The following MAPKBP1 variants were observed in gnomAD, a reference collection of about 807,000 sequenced individuals.
MAPKBP1 encodes the protein mitogen-activated protein kinase binding protein 1, also known as mitogen-activated protein kinase-binding protein 1.
In MAPKBP1, 71 loss-of-function variants were observed where a neutral mutation model predicts 170.5. That is an observed-to-expected ratio of 0.42 (90% CI 0.34 to 0.51). MAPKBP1 has a LOEUF of 0.51. MAPKBP1 is among the 20% of genes least tolerant of loss of function. MAPKBP1 has a pLI of 0.06. For synonymous variants in MAPKBP1, 719 were observed against 757.9 expected (o/e 0.95, Z 0.84); for missense variants, 1,598 against 1,933.0 (o/e 0.83, Z 3.25).
chr15:41,819,210 C>A (rs1889892826), intron 20 of MAPKBP1, 36 bp from the exon 21 acceptor site: 1 of 1,607,252 alleles, frequency 6.2e-7, no homozygotes, highest in African/African-American at 1.3e-5. Context: ...CCTATTGAGT[C>A]TCCTCTCCCC....
chr15:41,819,389 A>C lies in MAPKBP1; in HGVS notation c.2425+10A>C. The C allele has an allele frequency of 4.3e-6, 7 of 1,613,662 alleles. No homozygotes were observed. Among genetic ancestry groups the C allele is most frequent in the Non-Finnish European group, 5.9e-6 (7 of 1,179,774 alleles). Reference sequence around the variant, plus strand: ...ACCAAGAAGGCACTGGGTCTGTGGCAGTTGGGTGTGGGGGCAGACAGGCCC... The same window carrying C: ...ACCAAGAAGGCACTGGGTCTGTGGCCGTTGGGTGTGGGGGCAGACAGGCCC... On this transcript the variant is annotated intron_variant, in intron 21 of 30. Coordinates refer to ENST00000457542, the MANE Select transcript of MAPKBP1 (RefSeq NM_014994.3).
At chr15:41,811,291 G>T in intron 5 of MAPKBP1, 56 bp downstream of exon 5, 2 of 1,588,710 alleles carry the variant, frequency 1.3e-6, no homozygotes, top group Non-Finnish European at 1.7e-6. Context: ...CCTGGCCTCC[G>T]CAGAGAGCTG....
chr15:41,800,081 G>A (rs965101948), intron 3 of MAPKBP1, among the ~76,000 whole-genome samples, 167 bp downstream of exon 3: 3 of 152,016 alleles, frequency 2.0e-5, no homozygotes, highest in African/African-American at 4.8e-5. Context: ...GTTCTTTGTC[G>A]GGTGCTGTCA....
At position 41,822,025 on chromosome 15, in the gene MAPKBP1, G is replaced by A; in HGVS notation, c.2946G>A (p.Arg982=). ...GTLGRVYPGS[R]SSEKHSPDSA... Reference sequence around the variant, plus strand: ...TGGGAAGAGTGTACCCAGGCAGCAGGAGCTCAGAAAAGCACAGCCCTGACA... The same window carrying A: ...TGGGAAGAGTGTACCCAGGCAGCAGAAGCTCAGAAAAGCACAGCCCTGACA... The change falls in exon 25 of 31, where the codon AGG becomes AGA. Residue 982 remains arginine (R), a synonymous_variant. Coordinates refer to ENST00000457542, the MANE Select transcript of MAPKBP1 (RefSeq NM_014994.3). 6.2e-7 allele frequency: 1 copy of A among 1,610,076 alleles called. No individual in the cohort carries two copies. The highest frequency in any genetic ancestry group is 8.5e-7 in the Non-Finnish European group (1 of 1,178,148).
rs766195217 is a variant in MAPKBP1 at position 41,775,344 on chromosome 15, G to A, written c.69G>A (p.Leu23=). Residue 23 remains leucine, a synonymous_variant, in exon 2 of 31, where the codon CTG becomes CTA. Transcript: ENST00000457542. ...KNLLRSPSIK[L]RRSKAGNRRE... ...TGTTGAGATCTCCATCCATCAAACT[G>A]CGCAGGAGTAAGGCAGGAAACCGAC... 1.9e-6 allele frequency: 3 copies of A among 1,614,080 alleles called. No homozygotes were observed. The highest frequency in any genetic ancestry group is 4.5e-5 in the East Asian group (2 of 44,894).
intron 3 of MAPKBP1, among the ~76,000 whole-genome samples, chr15:41,806,992 C>T (rs753185374): frequency 1.8e-4 from 27 of 152,140 alleles, no homozygotes; most frequent in Admixed American, 7.9e-4. Context: ...TAGCTGCGAC[C>T]GTGGTTGCAT....
intron 2 of MAPKBP1, 82 bp from the exon 3 acceptor site, chr15:41,799,741 C>T: frequency 9.2e-7 from 1 of 1,086,862 alleles, no homozygotes; most frequent in Non-Finnish European, 1.4e-6. Flanking sequence ...GCCAGTGCCT[C>T]AGGATGGTCC....
chr15:41,823,169 G>T lies in MAPKBP1; in HGVS notation c.3545G>T (p.Ser1182Ile). ...SWAPKRVATA[S>I]PFSGLQKAQS... ...GCTCCCAAGAGAGTGGCCACAGCCA[G>T]CCCCTTTTCTGGACTCCAGAAGGCC... Residue 1182 changes from serine (S) to isoleucine (I), a missense_variant, in exon 28 of 31, where the codon AGC becomes ATC. Around this residue, in one of 6 missense-constraint regions of MAPKBP1, gnomAD observed 942 missense variants for 953.2 expected, o/e 0.99. Coordinates refer to ENST00000457542, the MANE Select transcript of MAPKBP1 (RefSeq NM_014994.3). 1 of 1,613,650 alleles carries T rather than the reference G, an allele frequency of 6.2e-7. No individual in the cohort carries two copies. Among genetic ancestry groups the T allele is most frequent in the Non-Finnish European group, 8.5e-7 (1 of 1,180,030 alleles).
At chr15:41,787,055 C>T (rs2064311018) in intron 2 of MAPKBP1, among the ~76,000 whole-genome samples, 1 of 149,918 alleles carries the variant, frequency 6.7e-6, no homozygotes, top group Non-Finnish European at 1.5e-5. Context: ...TAATCCTGAC[C>T]TCAGGTGATC....
chr15:41,819,557 G>GGGGGGGGGGGGGGGGGGGGGC (rs1555454017), intron 21 of MAPKBP1, 38 bp from the exon 22 acceptor site: 10 of 1,384,750 alleles, frequency 7.2e-6, no homozygotes, highest in African/African-American at 1.5e-5. Flanking sequence ...CGGGGGGGGG[G>GGGGGGGGGGGGGGGGGGGGGC]CAGGAGACAC....
In MAPKBP1 at chr15:41,818,771, G is replaced by A. The variant is rs373858848; in HGVS notation, c.2157-52G>A. Reference sequence around the variant, plus strand: ...TCCATGGATAAGGGGAACGAATGGCGCTAGCCATTCTACCTGCCCCTCCTT... The same window carrying A: ...TCCATGGATAAGGGGAACGAATGGCACTAGCCATTCTACCTGCCCCTCCTT... On this transcript the variant is annotated intron_variant, in intron 19 of 30. Transcript: ENST00000457542. This position sits in a 1 kb window ranked among gnomAD's most constrained non-coding sequence, Gnocchi z 5.2. The A allele has an allele frequency of 3.0e-4, 489 of 1,607,184 alleles. No individual in the cohort carries two copies. The highest frequency in any genetic ancestry group is 3.9e-4 in the Non-Finnish European group (460 of 1,174,784).
At position 41,818,999 on chromosome 15, in the gene MAPKBP1, T is replaced by A; in HGVS notation, c.2291+42T>A. On this transcript the variant is annotated intron_variant, in intron 20 of 30. Transcript: ENST00000457542. The surrounding 1 kb of genome is among the most constrained non-coding windows in gnomAD (Gnocchi z 5.2). The stretch of plus-strand genomic sequence containing the variant: ...GGCAAGTGATGGGTGGGTGTGCAGA[T>A]GGCTTGCTGGGACCTCACTGCACTT... 2 of 1,606,412 alleles carry A rather than the reference T, an allele frequency of 1.2e-6. No individual in the cohort carries two copies. Among genetic ancestry groups the A allele is most frequent in the South Asian group, 2.2e-5 (2 of 90,948 alleles).
At chr15:41,815,061 G>A (rs1317481205) in intron 10 of MAPKBP1, among the ~76,000 whole-genome samples, 198 bp from the exon 11 acceptor site, 1 of 152,226 alleles carries the variant, frequency 6.6e-6, no homozygotes, top group South Asian at 2.1e-4. Flanking sequence ...GGGAGACATA[G>A]AAGAGTGCCT....
intron 3 of MAPKBP1, among the ~76,000 whole-genome samples, chr15:41,802,043 G>A (rs769291240): frequency 6.6e-5 from 10 of 152,154 alleles, no homozygotes; most frequent in Admixed American, 5.9e-4. Context: ...TGGTGTAGCC[G>A]GTTGCGCCTG....
rs142880448 is a variant in MAPKBP1, at chr15:41,825,429, A to G, written c.4520A>G (p.Lys1507Arg). The G allele has an allele frequency of 3.1e-4, 501 of 1,603,114 alleles. No homozygotes were observed. The highest frequency in any genetic ancestry group is 3.8e-4 in the Non-Finnish European group (445 of 1,172,142). ...LRAVERRMER[K>R]L ...GCCGTGGAACGGCGTATGGAACGCAAACTCTGAGTTCTGGAAGCCTGTCCC... is the reference window on the plus strand; with the variant it reads ...GCCGTGGAACGGCGTATGGAACGCAGACTCTGAGTTCTGGAAGCCTGTCCC... The change falls in exon 31 of 31, where the codon AAA (lysine) becomes AGA (arginine). Residue 1507 changes from lysine (K) to arginine (R), a missense_variant. Around this residue, in one of 6 missense-constraint regions of MAPKBP1, gnomAD observed 942 missense variants for 953.2 expected, o/e 0.99. Transcript: ENST00000457542.
At chr15:41,782,089 A>G (rs954482057) in intron 2 of MAPKBP1, among the ~76,000 whole-genome samples, 1 of 104,404 alleles carries the variant, frequency 9.6e-6, no homozygotes, top group African/African-American at 3.2e-5. Context: ...TCTACTAAAA[A>G]TACAAAAAAA....
intron 2 of MAPKBP1, among the ~76,000 whole-genome samples, chr15:41,787,770 A>G (rs1254799872): frequency 2.6e-5 from 4 of 152,096 alleles, no homozygotes; most frequent in Non-Finnish European, 4.4e-5. Flanking sequence ...GTAATCATGT[A>G]TGGCACATGG....
In MAPKBP1 at chr15:41,822,009, T is replaced by A. The variant is rs376580969; in HGVS notation, c.2930T>A (p.Val977Glu). The A allele has an allele frequency of 6.2e-7, 1 of 1,610,420 alleles. No individual in the cohort carries two copies. The highest frequency in any genetic ancestry group is 8.5e-7 in the Non-Finnish European group (1 of 1,178,384). Residue 977 changes from valine (V) to glutamate (E), a missense_variant, in exon 25 of 31, where the codon GTG becomes GAG. By Grantham distance (121) the Val-to-Glu change is moderately radical (BLOSUM62 -2). Around this residue, in one of 6 missense-constraint regions of MAPKBP1, gnomAD observed 942 missense variants for 953.2 expected, o/e 0.99. Transcript: ENST00000457542. Reference protein sequence around the residue: ...QAPARGTLGRVYPGSRSSEKH... With the variant: ...QAPARGTLGREYPGSRSSEKH... ...CCAGCCCGGGGAACTCTGGGAAGAG[T>A]GTACCCAGGCAGCAGGAGCTCAGAA...
chr15:41,776,621 A>G (rs1318790655), intron 2 of MAPKBP1, among the ~76,000 whole-genome samples: 1 of 152,214 alleles, frequency 6.6e-6, no homozygotes, highest in East Asian at 1.9e-4. Context: ...TTCATTCTTA[A>G]TACTGCAAGT....
Sources: gnomAD v4.1 joint callset for allele counts (sites outside exome capture counted in the v4.1 genomes callset) on GRCh38, gnomAD v4.1.1 for gene constraint, gnomAD v4.1.1 regional missense constraint, Gnocchi (gnomAD v3.1) non-coding constraint, MANE v1.5 for transcripts, NCBI Gene and HGNC (gene_info 2026-07-23, HGNC 2026-07-21) for gene names.